Variants in BIRC6 observed in about 807,000 individuals in gnomAD.
BIRC6 encodes the protein dual E2 ubiquitin-conjugating enzyme/E3 ubiquitin-protein ligase BIRC6.
A neutral mutation model predicts 503.3 loss-of-function variants in BIRC6; 98 were observed. That is an observed-to-expected ratio of 0.19 (90% CI 0.17 to 0.23). The LOEUF (loss-of-function observed/expected upper bound fraction) is 0.23, where lower values mean the gene tolerates loss of function less well. Ranked by LOEUF, BIRC6 falls within the 10% of genes least tolerant of loss-of-function variation. The probability of loss-of-function intolerance (pLI) is 1.00; values close to 1 mark genes in which losing one functional copy is unlikely to be tolerated. For missense variants in BIRC6, 5,360 were observed against 5,806.0 expected (o/e 0.92, Z 2.50); for synonymous variants, 2,240 against 2,078.7 (o/e 1.08, Z -2.11).
intron 1 of BIRC6, among the ~76,000 whole-genome samples, chr2:32,373,212 T>TC (rs1223836464): frequency 4.6e-5 from 7 of 152,066 alleles, no homozygotes; most frequent in Non-Finnish European, 8.8e-5. Context: ...GTAACTTTTT[T>TC]CTATTTCTGC....
intron 32 of BIRC6, among the ~76,000 whole-genome samples, chr2:32,472,361 A>T (rs975864956): frequency 1.3e-5 from 2 of 152,158 alleles, no homozygotes; most frequent in Admixed American, 1.3e-4. Context: ...GAGCTACTGC[A>T]CCTGGCTGAG....
At chr2:32,491,332 A>G in intron 43 of BIRC6, 93 bp from the exon 44 acceptor site, 2 of 1,255,028 alleles carry the variant, frequency 1.6e-6, no homozygotes, top group Non-Finnish European at 2.1e-6. Flanking sequence ...GGAATGTATG[A>G]ATTTTCCTTG....
At chr2:32,590,609 T>G (rs2061335258) in intron 66 of BIRC6, among the ~76,000 whole-genome samples, 1 of 152,160 alleles carries the variant, frequency 6.6e-6, no homozygotes, top group Admixed American at 6.6e-5. Context: ...TGTTGAGGTA[T>G]GGGTTTGCTT....
rs1439318960 is a variant in BIRC6, at chr2:32,445,788, GT to G, written c.4484+123del. ...AGTCTTTTTCTTACAAAAATGTTTAGTTTATACCTTACTTTTTCCATACGAT... is the reference window on the plus strand; with the variant it reads ...AGTCTTTTTCTTACAAAAATGTTTAGTTATACCTTACTTTTTCCATACGAT... On this transcript the variant is annotated intron_variant, in intron 21 of 73. Coordinates refer to ENST00000421745, the MANE Select transcript of BIRC6 (RefSeq NM_016252.4). The G allele has an allele frequency of 2.5e-5, 18 of 717,708 alleles. No homozygotes were observed. The East Asian group carries it at 5.1e-4, about 21-fold the overall frequency. 44.5% of individuals were successfully genotyped at this position (717,708 alleles called of 1,614,324 possible).
In BIRC6 at chr2:32,491,409, A is replaced by T; in HGVS notation, c.8207-16A>T. The T allele has an allele frequency of 1.3e-6, 2 of 1,592,110 alleles. No homozygotes were observed. Among genetic ancestry groups the T allele is most frequent in the Non-Finnish European group, 1.7e-6 (2 of 1,172,346 alleles). ...ATGGTCCATTTCTTAAGAGGTTTTTAAAAAATGTTTTATAGCTGGTTCCAG... is the reference window on the plus strand; with the variant it reads ...ATGGTCCATTTCTTAAGAGGTTTTTTAAAAATGTTTTATAGCTGGTTCCAG... On this transcript the variant is annotated splice_polypyrimidine_tract_variant and intron_variant, in intron 43 of 73. Coordinates refer to ENST00000421745, the MANE Select transcript of BIRC6 (RefSeq NM_016252.4).
intron 1 of BIRC6, among the ~76,000 whole-genome samples, chr2:32,358,538 G>T (rs2033551791): frequency 6.6e-6 from 1 of 152,192 alleles, no homozygotes; most frequent in African/African-American, 2.4e-5. Context: ...GAGTGAATCG[G>T]ACTCCTGCAT....
chr2:32,415,273 G>A lies in BIRC6; in HGVS notation c.1982G>A (p.Gly661Asp). The change falls in exon 10 of 74, where the codon GGT (glycine) becomes GAT (aspartate). Residue 661 changes from glycine to aspartate, a missense_variant. Gly to Asp is a moderately conservative substitution (Grantham distance 94). Transcript: ENST00000421745. ...NIMSKSLHDD[G>D]FTVPQIIEME... ...ATGAGTAAAAGTTTGCATGATGATG[G>A]TTTTACTGTTCCACAGATTATTGAA... 6.2e-7 allele frequency: 1 copy of A among 1,614,006 alleles called. No individual in the cohort carries two copies. The highest frequency in any genetic ancestry group is 1.1e-5 in the South Asian group (1 of 91,072).
chr2:32,580,192 A>G (rs2060577139), intron 66 of BIRC6, among the ~76,000 whole-genome samples: 2 of 152,116 alleles, frequency 1.3e-5, no homozygotes, highest in South Asian at 4.2e-4. Flanking sequence ...GACCTCAGGT[A>G]ATCCGCCCGC....
chr2:32,361,838 G>T (rs1412399354), intron 1 of BIRC6, among the ~76,000 whole-genome samples: 1 of 152,112 alleles, frequency 6.6e-6, no homozygotes, highest in Non-Finnish European at 1.5e-5. Flanking sequence ...TGCATTTACA[G>T]TTCTTCCTTG....
At chr2:32,603,330 T>G (rs2062192244) in intron 71 of BIRC6, among the ~76,000 whole-genome samples, 2 of 152,084 alleles carry the variant, frequency 1.3e-5, no homozygotes, top group Admixed American at 6.5e-5. Flanking sequence ...CAAAAAAAAT[T>G]CCAGGCCAGG....
chr2:32,400,103 T>C (rs1360344272), intron 6 of BIRC6, among the ~76,000 whole-genome samples: 1 of 152,142 alleles, frequency 6.6e-6, no homozygotes, highest in African/African-American at 2.4e-5. Flanking sequence ...CTGTATTTTA[T>C]ATTTCTTAAA....
At chr2:32,428,494 T>A (rs1440041529) in intron 10 of BIRC6, among the ~76,000 whole-genome samples, 1 of 152,220 alleles carries the variant, frequency 6.6e-6, no homozygotes, top group African/African-American at 2.4e-5. Context: ...TACCTCACCC[T>A]CGTTAAATTA....
chr2:32,462,117 G>A (rs1349948217), intron 23 of BIRC6, among the ~76,000 whole-genome samples: 2 of 151,782 alleles, frequency 1.3e-5, no homozygotes, highest in Non-Finnish European at 2.9e-5. Context: ...AAAGTGAATT[G>A]TAGTTATTCT....
chr2:32,462,048 T>TA (rs2048051902), intron 23 of BIRC6, among the ~76,000 whole-genome samples: 1 of 146,090 alleles, frequency 6.8e-6, no homozygotes, highest in African/African-American at 2.6e-5. Flanking sequence ...AGCAAAAAAA[T>TA]AAAAATAAAA....
chr2:32,578,194 A>T (rs2060394136), intron 66 of BIRC6, among the ~76,000 whole-genome samples: 1 of 152,174 alleles, frequency 6.6e-6, no homozygotes, highest in Admixed American at 6.5e-5. Context: ...TTTCAGCTTC[A>T]CAGAGAGAGT....
chr2:32,571,104 C>G (rs1481081105), intron 65 of BIRC6, among the ~76,000 whole-genome samples: 1 of 151,986 alleles, frequency 6.6e-6, no homozygotes, highest in Non-Finnish European at 1.5e-5. Context: ...AACCACCATG[C>G]CATTATTGTA....
chr2:32,581,605 CATAA>C (rs1257002181), intron 66 of BIRC6, among the ~76,000 whole-genome samples: 2 of 152,108 alleles, frequency 1.3e-5, no homozygotes, highest in Non-Finnish European at 2.9e-5. Flanking sequence ...TATCATTTGC[CATAA>C]ATAGGAGACA....
chr2:32,448,991 G>C, intron 22 of BIRC6, 63 bp downstream of exon 22: 1 of 1,473,986 alleles, frequency 6.8e-7, no homozygotes, highest in Admixed American at 1.9e-5. Context: ...GTTGCCATTT[G>C]ACTTAATAGA....
intron 22 of BIRC6, 87 bp from the exon 23 acceptor site, chr2:32,453,721 A>C: frequency 7.9e-7 from 1 of 1,259,460 alleles, no homozygotes; most frequent in South Asian, 1.3e-5. Flanking sequence ...TCTAATTAAA[A>C]TTGAAGTTGC....
Sources: gnomAD v4.1 joint callset for allele counts (sites outside exome capture counted in the v4.1 genomes callset) on GRCh38, gnomAD v4.1.1 for gene constraint, MANE v1.5 for transcripts, NCBI Gene and HGNC (gene_info 2026-07-23, HGNC 2026-07-21) for gene names.